The following WDR24 variants were observed in gnomAD, a reference collection of about 807,000 sequenced individuals.
WDR24 encodes WD repeat domain 24.
Under a neutral mutation model 66.7 loss-of-function variants are expected in WDR24, and 32 were observed. The ratio of observed to expected loss-of-function variants is 0.48; its 90% CI spans 0.36 to 0.64. The LOEUF (loss-of-function observed/expected upper bound fraction) is 0.64, where lower values mean the gene tolerates loss of function less well. Ranked by LOEUF, WDR24 falls within the 30% of genes least tolerant of loss-of-function variation. The pLI is 0.00. For missense variants in WDR24, 978 were observed against 1,144.1 expected (o/e 0.85, Z 2.09); for synonymous variants, 565 against 469.1 (o/e 1.20, Z -2.64).
In WDR24 at chr16:684,933, G is replaced by A. The variant is rs1380690467; in HGVS notation, c.2205-31C>T. On this transcript the variant is annotated intron_variant, in intron 8 of 8. Transcript: ENST00000293883. ...GGCGGGCGGGAGGGAGGGTGCCTCAGCGGGGGCTGCTGCGCTGCCTGCAGG... is the reference window on the plus strand; with the variant it reads ...GGCGGGCGGGAGGGAGGGTGCCTCAACGGGGGCTGCTGCGCTGCCTGCAGG... The A allele has an allele frequency of 3.9e-6, 6 of 1,536,258 alleles. No homozygotes were observed. In the South Asian group the frequency reaches 6.0e-5, roughly 15 times the overall value.
chr16:688,857 G>C, intron 1 of WDR24: 1 of 419,058 alleles, frequency 2.4e-6, no homozygotes, highest in Non-Finnish European at 4.4e-6. Context: ...GGGAGTCAGT[G>C]GCTCTCTGCT....
chr16:684,950 G>A, intron 8 of WDR24, 42 bp downstream of exon 8: 1 of 1,535,698 alleles, frequency 6.5e-7, no homozygotes, highest in Non-Finnish European at 8.8e-7. Context: ...CTGCTGCGCT[G>A]CCTGCAGGCC....
At chr16:686,407 C>T (rs914551652) in intron 3 of WDR24, among the ~76,000 whole-genome samples, 4 of 152,204 alleles carry the variant, frequency 2.6e-5, no homozygotes, top group African/African-American at 9.6e-5. Context: ...GCAGTGGGGA[C>T]TTGCGGGGCA....
In WDR24 at chr16:686,139, G is replaced by A; in HGVS notation, c.1380C>T (p.Gly460=). Residue 460 remains glycine, a synonymous_variant, in exon 4 of 9, where the codon GGC becomes GGT. Transcript: ENST00000293883. ...GGTTGAGGTTTGCAGTGGGCACTAGGCCAGGGCTGCAGTAGATGATCCGCA... is the reference window on the plus strand; with the variant it reads ...GGTTGAGGTTTGCAGTGGGCACTAGACCAGGGCTGCAGTAGATGATCCGCA... ...TMLRIIYCSP[G]LVPTANLNHS... 6.2e-7 allele frequency: 1 copy of A among 1,613,050 alleles called. No homozygotes were observed. Among genetic ancestry groups the A allele is most frequent in the Non-Finnish European group, 8.5e-7 (1 of 1,179,956 alleles).
chr16:688,724 G>C (rs1048051833), intron 1 of WDR24, among the ~76,000 whole-genome samples: 1 of 152,248 alleles, frequency 6.6e-6, no homozygotes, highest in South Asian at 2.1e-4. Context: ...GGGCCTGTTA[G>C]GAAAAGGGCC....
rs1164587579 is a variant in WDR24, at chr16:690,326, C to T, written c.-686G>A. ...ACGAGAACCAGAGGGCCCGGGGCAG[C>T]CCTTCTCCCCCGCGCGAACCCCAAT... On this transcript the variant is annotated 5_prime_UTR_variant, in exon 1 of 9. Coordinates refer to ENST00000293883, the MANE Select transcript of WDR24 (RefSeq NM_032259.4). The T allele has an allele frequency of 2.2e-6, 1 of 455,496 alleles. No homozygotes were observed. The highest frequency in any genetic ancestry group is 2.4e-5 in the Admixed American group (1 of 42,528). 28.2% of individuals were successfully genotyped at this position (455,496 alleles called of 1,614,324 possible).
Position 687,008 on chromosome 16 carries a change from C to T in WDR24, c.1068G>A (p.Lys356=). The change falls in exon 3 of 9, where the codon AAG becomes AAA. Residue 356 remains lysine (K), a synonymous_variant. Coordinates refer to ENST00000293883, the MANE Select transcript of WDR24 (RefSeq NM_032259.4). ...GLFGDLAFAA[K]ESLVAAESGR... ...CCGACTCGGCAGCCACGAGGCTCTCCTTGGCGGCGAAGGCCAGGTCCCCGA... is the reference window on the plus strand; with the variant it reads ...CCGACTCGGCAGCCACGAGGCTCTCTTTGGCGGCGAAGGCCAGGTCCCCGA... The T allele has an allele frequency of 1.2e-6, 2 of 1,601,908 alleles. No individual in the cohort carries two copies. The highest frequency in any genetic ancestry group is 1.3e-5 in the African/African-American group (1 of 75,004).
At position 686,954 on chromosome 16, in the gene WDR24, G is replaced by T. The variant is rs766703086; in HGVS notation, c.1122C>A (p.Arg374=). The T allele has an allele frequency of 5.9e-5, 94 of 1,599,624 alleles. No homozygotes were observed. The Admixed American group carries it at 1.6e-3, about 27-fold the overall frequency. ...SGRKPYTGDR[R]HPIFFKRKLD... ...GCTTGCGCTTAAAGAAGATGGGGTG[G>T]CGCCGGTCGCCAGTGTAGGGCTTGC... Residue 374 remains arginine, a synonymous_variant, in exon 3 of 9, where the codon CGC becomes CGA. Coordinates refer to ENST00000293883, the MANE Select transcript of WDR24 (RefSeq NM_032259.4).
In WDR24 at chr16:685,740, C is replaced by T. The variant is rs150579641; in HGVS notation, c.1617G>A (p.Leu539=). Residue 539 remains leucine (L), a synonymous_variant, in exon 6 of 9, where the codon CTG becomes CTA. Transcript: ENST00000293883. The stretch of plus-strand genomic sequence containing the variant: ...CCTCCTCACCTTCCACGTCACCCAG[C>T]AGGTAGTCGGCAGGTACGTCGCTGC... ...TEGSDVPADY[L]LGDVEGEEDE... is the part of the protein sequence containing the mutation. 5.0e-6 allele frequency: 8 copies of T among 1,613,192 alleles called. No individual in the cohort carries two copies. The highest frequency in any genetic ancestry group is 1.7e-6 in the Non-Finnish European group (2 of 1,180,032).
Position 687,045 on chromosome 16 carries a change from CAG to C in WDR24, c.1029_1030del (p.Cys344LeufsTer36), listed in dbSNP as rs2039917228. On this transcript the variant is annotated frameshift_variant, in exon 3 of 9. Transcript: ENST00000293883. LOFTEE classifies it high-confidence loss of function. Reference sequence around the variant, plus strand: ...GGCCAGGTCCCCGAAGAGGCCGTAGCAGAGGCCCTCAGGGTTGGCGCGCTCGA... The same window carrying C: ...GGCCAGGTCCCCGAAGAGGCCGTAGCAGGCCCTCAGGGTTGGCGCGCTCGA... 18 of 1,603,896 alleles carry C rather than the reference CAG, an allele frequency of 1.1e-5. No individual in the cohort carries two copies. Among genetic ancestry groups the C allele is most frequent in the Non-Finnish European group, 1.5e-5 (18 of 1,178,982 alleles).
chr16:685,731 G>T lies in WDR24; in HGVS notation c.1626C>A (p.Asp542Glu). ...SDVPADYLLG[D>E]VEGEEDELYL... The stretch of plus-strand genomic sequence containing the variant: ...ACAGCTCGTCCTCCTCACCTTCCAC[G>T]TCACCCAGCAGGTAGTCGGCAGGTA... The change falls in exon 6 of 9, where the codon GAC (aspartate) becomes GAA (glutamate). Residue 542 changes from aspartate (D) to glutamate (E), a missense_variant. Coordinates refer to ENST00000293883, the MANE Select transcript of WDR24 (RefSeq NM_032259.4). 1 of 1,613,244 alleles carries T rather than the reference G, an allele frequency of 6.2e-7. No homozygotes were observed. Among genetic ancestry groups the T allele is most frequent in the East Asian group, 2.2e-5 (1 of 44,876 alleles).
chr16:685,815 G>C (rs200343197), intron 5 of WDR24, 32 bp from the exon 6 acceptor site: 1 of 1,612,964 alleles, frequency 6.2e-7, no homozygotes, highest in Admixed American at 1.7e-5. Flanking sequence ...ATTCAGGGTC[G>C]TCTGGGACAC....
intron 3 of WDR24, 22 bp from the exon 4 acceptor site, chr16:686,208 T>C: frequency 6.2e-7 from 1 of 1,610,170 alleles, no homozygotes. Flanking sequence ...CACTGGTCAC[T>C]TGTGGGCGTC....
intron 3 of WDR24, 123 bp from the exon 4 acceptor site, chr16:686,309 C>T (rs2151515941): frequency 9.0e-7 from 1 of 1,106,366 alleles, no homozygotes; most frequent in East Asian, 2.6e-5. Flanking sequence ...AATGTCCAGG[C>T]CCACCCCAGG....
intron 3 of WDR24, 99 bp downstream of exon 3, chr16:686,645 C>G: frequency 7.1e-7 from 1 of 1,403,124 alleles, no homozygotes; most frequent in Non-Finnish European, 9.6e-7. Context: ...GGCTGGAGTC[C>G]ATTGCGGAGC....
At position 689,920 on chromosome 16, in the gene WDR24, C is replaced by T; in HGVS notation, c.-280G>A. ...TCCCTTAGGCCTGTCAGTTTCATGT[C>T]TGACTTCCACGGAAGACTCTAGCTG... On this transcript the variant is annotated 5_prime_UTR_variant, in exon 1 of 9. Coordinates refer to ENST00000293883, the MANE Select transcript of WDR24 (RefSeq NM_032259.4). 1.5e-6 allele frequency: 1 copy of T among 653,564 alleles called. No individual in the cohort carries two copies. Among genetic ancestry groups the T allele is most frequent in the African/African-American group, 1.8e-5 (1 of 56,356 alleles). The allele number at this position is 653,564 out of a possible 1,614,324, so 40.5% of individuals were successfully genotyped here.
rs371109368 is a variant in WDR24, at chr16:687,556, C to G, written c.659+6G>C. ...AACCTACTGCCCCTGCACCCCCATG[C>G]CACACCTGTCCTCGGGGTGCCAGTC... On this transcript the variant is annotated splice_donor_region_variant and intron_variant, in intron 2 of 8. Coordinates refer to ENST00000293883, the MANE Select transcript of WDR24 (RefSeq NM_032259.4). 2 of 1,611,504 alleles carry G rather than the reference C, an allele frequency of 1.2e-6. No individual in the cohort carries two copies. The highest frequency in any genetic ancestry group is 2.7e-5 in the African/African-American group (2 of 74,926).
chr16:687,743 C>A lies in WDR24; in HGVS notation c.482-4G>T, dbSNP rs767750219. ...TCCCGCACGCTCTCCGACTGGCCTG[C>A]AGGCAGGAGGTCGATGCAGGGGAAG... On this transcript the variant is annotated splice_polypyrimidine_tract_variant and splice_region_variant and intron_variant, in intron 1 of 8. Transcript: ENST00000293883. 3 of 1,612,186 alleles carry A rather than the reference C, an allele frequency of 1.9e-6. No homozygotes were observed. Among genetic ancestry groups the A allele is most frequent in the South Asian group, 2.2e-5 (2 of 90,868 alleles).
chr16:690,270 C>G lies in WDR24; in HGVS notation c.-630G>C. ...CGGAGTACAGGGTTCCTGGGAGCGGCGCAGTGGCGCGGGGGAGCGGACGCT... is the reference window on the plus strand; with the variant it reads ...CGGAGTACAGGGTTCCTGGGAGCGGGGCAGTGGCGCGGGGGAGCGGACGCT... On this transcript the variant is annotated 5_prime_UTR_variant, in exon 1 of 9. Coordinates refer to ENST00000293883, the MANE Select transcript of WDR24 (RefSeq NM_032259.4). 4.6e-6 allele frequency: 2 copies of G among 434,292 alleles called. No homozygotes were observed. The highest frequency in any genetic ancestry group is 1.4e-4 in the East Asian group (2 of 14,152). The allele number at this position is 434,292 out of a possible 1,614,324, so 26.9% of individuals were successfully genotyped here. A position where few individuals can be genotyped will look rare whatever the true frequency, so the allele number is the denominator to read the frequency against.
Sources: allele counts gnomAD v4.1 joint callset (sites outside exome capture counted in the v4.1 genomes callset), GRCh38; gene constraint gnomAD v4.1.1; transcripts MANE v1.5; gene names NCBI Gene and HGNC (gene_info 2026-07-23, HGNC 2026-07-21).